CPA6: variants seen among roughly 807,000 people sequenced by gnomAD.
CPA6 encodes the protein carboxypeptidase B.
A neutral mutation model predicts 63.3 loss-of-function variants in CPA6; 58 were observed. The observed-to-expected ratio is 0.92, with a 90% CI of 0.74 to 1.14. The LOEUF (loss-of-function observed/expected upper bound fraction) is 1.14. Among genes scored for constraint, CPA6 ranks in the 50% most tolerant of loss-of-function variants. CPA6 has a pLI of 0.00. For synonymous variants in CPA6, 185 were observed against 179.0 expected, an observed-to-expected ratio of 1.03 and a Z score of -0.27; for missense variants, 565 against 526.6, an observed-to-expected ratio of 1.07 and a Z score of -0.71.
chr8:67,607,814 A>G (rs1156299024), intron 2 of CPA6, among the ~76,000 whole-genome samples: 1 of 152,182 alleles, frequency 6.6e-6, no homozygotes, highest in African/African-American at 2.4e-5. Context: ...CAGGCTATAC[A>G]CTATTTTCAT....
intron 2 of CPA6, among the ~76,000 whole-genome samples, chr8:67,544,460 C>G (rs145183487): frequency 3.8e-4 from 58 of 152,168 alleles, no homozygotes; most frequent in African/African-American, 1.3e-3. Flanking sequence ...AGTGGGGCAC[C>G]CTGGCAATCG....
In CPA6 at chr8:67,592,674, T is replaced by G. The variant is rs560712778; in HGVS notation, c.192+31502A>C. On this transcript the variant is annotated intron_variant, in intron 2 of 10. Transcript: ENST00000297770. Reference sequence around the variant, plus strand: ...TTCTAGATTTTCTAGTTTATTTGCGTAGAGGTGTTTGTAGTATTCTCTGAT... The same window carrying G: ...TTCTAGATTTTCTAGTTTATTTGCGGAGAGGTGTTTGTAGTATTCTCTGAT... 1.5e-3 allele frequency among the ~76,000 whole-genome samples: 224 copies of G among 152,236 alleles called. 1 individual carries two copies. The highest frequency in any genetic ancestry group is 5.1e-3 in the African/African-American group (212 of 41,504).
intron 7 of CPA6, 132 bp downstream of exon 7, chr8:67,484,547 A>AG (rs1327862849): frequency 1.1e-5 from 6 of 540,548 alleles, no homozygotes; most frequent in African/African-American, 1.9e-5. Flanking sequence ...GAAAGAGTGA[A>AG]GGCCTCTTTT....
At chr8:67,503,423 AG>A (rs1277834961) in intron 6 of CPA6, among the ~76,000 whole-genome samples, 1 of 151,320 alleles carries the variant, frequency 6.6e-6, no homozygotes, top group Non-Finnish European at 1.5e-5. Context: ...CAGCCTCTGG[AG>A]TAGCTGGGAC....
intron 1 of CPA6, among the ~76,000 whole-genome samples, chr8:67,650,896 G>T (rs1186748693): frequency 1.3e-5 from 2 of 152,102 alleles, no homozygotes; most frequent in African/African-American, 4.8e-5. Flanking sequence ...GAATAATCTT[G>T]TCAGGCTCCT....
chr8:67,676,187 T>C (rs538708939), intron 1 of CPA6, among the ~76,000 whole-genome samples: 2 of 152,290 alleles, frequency 1.3e-5, no homozygotes, highest in East Asian at 3.9e-4. Flanking sequence ...GGCAGGGAGA[T>C]GGAAGAAGAT....
chr8:67,745,914 CA>C, intron 1 of CPA6, 99 bp downstream of exon 1: 1 of 722,038 alleles, frequency 1.4e-6, no homozygotes, highest in Non-Finnish European at 2.3e-6. Flanking sequence ...CAGATTCACT[CA>C]GAGACCCCCA....
chr8:67,458,176 A>C (rs1172323801), intron 8 of CPA6, among the ~76,000 whole-genome samples: 1 of 151,664 alleles, frequency 6.6e-6, no homozygotes, highest in Non-Finnish European at 1.5e-5. Context: ...GAAAATCTAG[A>C]CAGTGTTAGC....
chr8:67,507,880 A>AC (rs1811962563), intron 5 of CPA6, among the ~76,000 whole-genome samples: 2 of 152,140 alleles, frequency 1.3e-5, no homozygotes, highest in Non-Finnish European at 2.9e-5. Context: ...ATCTGAGCGC[A>AC]CCATATTGGA....
At position 67,730,003 on chromosome 8, in the gene CPA6, A is replaced by T. The variant is rs1404666101; in HGVS notation, c.116+16011T>A. 2.0e-5 allele frequency among the ~76,000 whole-genome samples: 3 copies of T among 152,222 alleles called. No homozygotes were observed. The East Asian group carries it at 5.8e-4, about 29-fold the overall frequency. On this transcript the variant is annotated intron_variant, in intron 1 of 10. Transcript: ENST00000297770. ...CTACACTCAGCATTCAACACAGAAC[A>T]TTTCTGCTAGCAGATGTAGGGCGGG... is the stretch of plus-strand genomic sequence containing the variant.
intron 1 of CPA6, among the ~76,000 whole-genome samples, chr8:67,743,380 A>T (rs1402475501): frequency 6.6e-6 from 1 of 152,152 alleles, no homozygotes; most frequent in African/African-American, 2.4e-5. Context: ...TATGGGGTAC[A>T]TGAGATGTTT....
chr8:67,697,886 T>C (rs1205175921), intron 1 of CPA6, among the ~76,000 whole-genome samples: 3 of 152,230 alleles, frequency 2.0e-5, no homozygotes, highest in Non-Finnish European at 2.9e-5. Context: ...AGTATATATG[T>C]CTGTGTGTGT....
chr8:67,720,669 CA>C (rs1482255436), intron 1 of CPA6, among the ~76,000 whole-genome samples: 3 of 152,180 alleles, frequency 2.0e-5, no homozygotes, highest in Non-Finnish European at 4.4e-5. Context: ...TAGAATTTAA[CA>C]AAAGTAAAGA....
intron 1 of CPA6, among the ~76,000 whole-genome samples, chr8:67,717,229 C>T (rs1348648560): frequency 1.3e-5 from 2 of 152,022 alleles, no homozygotes; most frequent in Non-Finnish European, 2.9e-5. Context: ...GATGTAATTG[C>T]CTGAAGTGTG....
At chr8:67,734,332 C>G (rs1817773246) in intron 1 of CPA6, among the ~76,000 whole-genome samples, 1 of 147,886 alleles carries the variant, frequency 6.8e-6, no homozygotes, top group Non-Finnish European at 1.5e-5. Flanking sequence ...CCTCAGCAAA[C>G]CAGGGCCCCA....
At chr8:67,620,846 T>C (rs1187174754) in intron 2 of CPA6, among the ~76,000 whole-genome samples, 1 of 152,104 alleles carries the variant, frequency 6.6e-6, no homozygotes, top group African/African-American at 2.4e-5. Flanking sequence ...GTCTGAAAAA[T>C]ACTATCTTTA....
chr8:67,565,166 CTTTCTTT>C (rs1448543946), intron 2 of CPA6, among the ~76,000 whole-genome samples: 4 of 115,736 alleles, frequency 3.5e-5, no homozygotes, highest in Non-Finnish European at 8.6e-5. Flanking sequence ...TTTTCTTTTT[CTTTCTTT>C]TTTTTTTTTG....
In CPA6 at chr8:67,746,177, G is replaced by T; in HGVS notation, c.-48C>A. On this transcript the variant is annotated 5_prime_UTR_variant, in exon 1 of 11. Coordinates refer to ENST00000297770, the MANE Select transcript of CPA6 (RefSeq NM_020361.5). Reference sequence around the variant, plus strand: ...AAAGTTACTTAAGCAGCCACCCGAGGCTGGAGGTGGCTCACAGCACCCTCT... The same window carrying T: ...AAAGTTACTTAAGCAGCCACCCGAGTCTGGAGGTGGCTCACAGCACCCTCT... The T allele has an allele frequency of 6.9e-7, 1 of 1,445,590 alleles. No individual in the cohort carries two copies. Among genetic ancestry groups the T allele is most frequent in the Non-Finnish European group, 9.6e-7 (1 of 1,041,662 alleles). The allele number at this position is 1,445,590 out of a possible 1,614,324, so 89.5% of individuals were successfully genotyped here.
intron 2 of CPA6, among the ~76,000 whole-genome samples, chr8:67,577,962 A>T (rs565980754): frequency 1.6e-4 from 24 of 152,366 alleles, no homozygotes; most frequent in Admixed American, 7.2e-4. Flanking sequence ...GATTTAGCAA[A>T]CATTGTCTAT....
Sources: gnomAD v4.1 joint callset for allele counts (sites outside exome capture counted in the v4.1 genomes callset) on GRCh38, gnomAD v4.1.1 for gene constraint, MANE v1.5 for transcripts, NCBI Gene and HGNC (gene_info 2026-07-23, HGNC 2026-07-21) for gene names.